Variants in ANK2 observed in about 807,000 individuals in gnomAD.
The protein encoded by ANK2 is ankyrin 2.
A neutral mutation model predicts 360.5 loss-of-function variants in ANK2; 83 were observed. The observed-to-expected ratio is 0.23, with a 90% CI of 0.19 to 0.28. The LOEUF (loss-of-function observed/expected upper bound fraction) is 0.28. Ranked by LOEUF, ANK2 falls within the 10% of genes least tolerant of loss-of-function variation. The probability of loss-of-function intolerance (pLI) is 1.00; values close to 1 mark genes in which losing one functional copy is unlikely to be tolerated. For missense variants in ANK2, 4,201 were observed against 4,795.7 expected, an observed-to-expected ratio of 0.88 and a Z score of 3.66; for synonymous variants, 1,740 against 1,759.5, an observed-to-expected ratio of 0.99 and a Z score of 0.28.
chr4:112,779,127 G>A, the ANK2 span, among the ~76,000 whole-genome samples: 1 of 152,136 alleles, frequency 6.6e-6, no homozygotes, highest in South Asian at 2.1e-4. Flanking sequence ...GGAGTGCCGA[G>A]CCACCTCTCT....
chr4:113,191,800 A>G (rs2098669205), intron 2 of ANK2, among the ~76,000 whole-genome samples: 1 of 152,182 alleles, frequency 6.6e-6, no homozygotes, highest in African/African-American at 2.4e-5. Context: ...CTTTTTTACT[A>G]TTGAAGAAAC....
At chr4:112,952,116 C>T (rs968333033) in intron 2 of ANK2, among the ~76,000 whole-genome samples, 12 of 152,194 alleles carry the variant, frequency 7.9e-5, no homozygotes, top group African/African-American at 2.7e-4. Context: ...TGCAAATATT[C>T]CCACTAACGT....
intron 4 of ANK2, among the ~76,000 whole-genome samples, chr4:113,220,153 G>C (rs1379885833): frequency 6.6e-6 from 1 of 152,160 alleles, no homozygotes; most frequent in Non-Finnish European, 1.5e-5. Flanking sequence ...CAAAAGAAGG[G>C]AACATGTCTG....
chr4:113,327,839 G>A (rs143580810), intron 26 of ANK2, among the ~76,000 whole-genome samples: 2,017 of 152,254 alleles, frequency 0.013, 23 homozygotes, highest in South Asian at 0.019. Flanking sequence ...TAATAGGAGG[G>A]TAACAAATGT....
chr4:113,199,636 T>C (rs961799367), intron 4 of ANK2, among the ~76,000 whole-genome samples: 1 of 152,130 alleles, frequency 6.6e-6, no homozygotes, highest in African/African-American at 2.4e-5. Flanking sequence ...ATCAAAATTA[T>C]ACTATAAGCT....
At position 112,887,200 on chromosome 4, in the gene ANK2, T is replaced by G. The variant is rs747652690; in HGVS notation, c.-39-17255T>G. Among the ~76,000 whole-genome samples, 67 of 152,270 alleles carry G rather than the reference T, an allele frequency of 4.4e-4. 1 individual carries two copies. Among genetic ancestry groups the G allele is most frequent in the Non-Finnish European group, 7.3e-4 (50 of 68,042 alleles). ...ATTTTCTCATCTTTTTAGTTACTGA[T>G]GTATTTAGCCACCAAAGTCATGTAC... On this transcript the variant is annotated intron_variant, in intron 1 of 30. Coordinates refer to the ANK2 transcript ENST00000503271.
chr4:112,830,747 C>G (rs1371889563), intron 1 of ANK2, among the ~76,000 whole-genome samples: 1 of 152,192 alleles, frequency 6.6e-6, no homozygotes, highest in Admixed American at 6.5e-5. Context: ...ACTGTGGGAG[C>G]CCCTCTCTGG....
chr4:112,992,474 C>T (rs1328709500), intron 2 of ANK2, among the ~76,000 whole-genome samples: 1 of 152,020 alleles, frequency 6.6e-6, no homozygotes, highest in Non-Finnish European at 1.5e-5. Flanking sequence ...TTTCTTGGTA[C>T]CAAAGTCTGT....
At chr4:113,331,950 C>A (rs770137778) in intron 27 of ANK2, 22 bp from the exon 28 acceptor site, 1 of 1,595,638 alleles carries the variant, frequency 6.3e-7, no homozygotes, top group Non-Finnish European at 8.6e-7. Context: ...CTTTCTTTCA[C>A]TGCTGCTTTG....
At chr4:112,821,010 C>G (rs1399058958) in intron 1 of ANK2, among the ~76,000 whole-genome samples, 1 of 152,210 alleles carries the variant, frequency 6.6e-6, no homozygotes. Context: ...TTCCCGGGTT[C>G]AAGCGATTCT....
intron 10 of ANK2, among the ~76,000 whole-genome samples, chr4:113,253,937 C>T (rs1165677272): frequency 6.6e-6 from 1 of 152,204 alleles, no homozygotes; most frequent in Non-Finnish European, 1.5e-5. Context: ...TATCCATCCT[C>T]CTCAATCACT....
intron 32 of ANK2, 74 bp downstream of exon 32, chr4:113,339,396 GTTTC>G (rs2093985846): frequency 7.4e-6 from 9 of 1,220,774 alleles, no homozygotes; most frequent in Admixed American, 5.1e-5. Context: ...GTTTTATTTT[GTTTC>G]TTTATTGTTT....
chr4:112,849,911 A>C (rs140362322), intron 1 of ANK2, among the ~76,000 whole-genome samples: 1 of 152,314 alleles, frequency 6.6e-6, no homozygotes, highest in African/African-American at 2.4e-5. Flanking sequence ...TGCCCTCACC[A>C]ATATCGGCGG....
intron 1 of ANK2, among the ~76,000 whole-genome samples, chr4:113,065,642 C>G (rs1481373278): frequency 6.6e-6 from 1 of 152,050 alleles, no homozygotes; most frequent in African/African-American, 2.4e-5. Context: ...AAAGAGCAAT[C>G]AAAACTAGCA....
chr4:113,313,327 C>T (rs1226819560), intron 24 of ANK2, among the ~76,000 whole-genome samples: 3 of 152,134 alleles, frequency 2.0e-5, no homozygotes, highest in African/African-American at 7.2e-5. Flanking sequence ...AGAATAAGTA[C>T]TTGATTTGAT....
intron 17 of ANK2, among the ~76,000 whole-genome samples, chr4:113,279,407 G>A (rs1256742760): frequency 4.6e-5 from 7 of 151,938 alleles, no homozygotes; most frequent in South Asian, 2.1e-4. Context: ...AATGATCTCC[G>A]TTTTGCAGAT....
chr4:112,895,048 C>G (rs924736832), intron 1 of ANK2, among the ~76,000 whole-genome samples: 1 of 152,206 alleles, frequency 6.6e-6, no homozygotes, highest in Non-Finnish European at 1.5e-5. Context: ...TTTTGTAAAG[C>G]CTCTCCTGAT....
intron 1 of ANK2, among the ~76,000 whole-genome samples, chr4:113,156,858 T>C (rs1236461463): frequency 6.8e-6 from 1 of 146,758 alleles, no homozygotes; most frequent in Non-Finnish European, 1.5e-5. Context: ...GAAATCATCA[T>C]ATATAAAAAT....
intron 23 of ANK2, among the ~76,000 whole-genome samples, chr4:113,310,237 T>G (rs1213529413): frequency 6.6e-6 from 1 of 152,146 alleles, no homozygotes; most frequent in Non-Finnish European, 1.5e-5. Flanking sequence ...CCTGTGACCA[T>G]CTTGGCTGCT....
Sources: allele counts gnomAD v4.1 joint callset (sites outside exome capture counted in the v4.1 genomes callset), GRCh38; gene constraint gnomAD v4.1.1; transcripts MANE v1.5; gene names NCBI Gene and HGNC (gene_info 2026-07-23, HGNC 2026-07-21).